FBN3: variants seen among roughly 807,000 people sequenced by gnomAD.
FBN3 encodes fibrillin-3.
FBN3 carries 234 observed loss-of-function variants against 330.1 expected under a neutral mutation model. The observed-to-expected ratio is 0.71, with a 90% confidence interval of 0.64 to 0.79. The LOEUF (loss-of-function observed/expected upper bound fraction) is 0.79. Among genes scored for constraint, FBN3 ranks in the 30% least tolerant of loss-of-function variants. The pLI is 0.00. For missense variants in FBN3, 3,606 were observed against 3,886.9 expected (o/e 0.93, Z 1.92); for synonymous variants, 1,458 against 1,517.3 (o/e 0.96, Z 0.91).
At chr19:8,119,059 G>T (rs375616426) in intron 25 of FBN3, 37 bp from the exon 26 acceptor site, 156 of 1,572,696 alleles carry the variant, frequency 9.9e-5, no homozygotes, top group Non-Finnish European at 1.2e-4. Flanking sequence ...CAGGCATGAA[G>T]GTGCTGATGC....
rs750199948 is a variant in FBN3 at position 8,138,179 on chromosome 19, C to T, written c.1163G>A (p.Arg388His). The T allele has an allele frequency of 6.2e-6, 10 of 1,612,660 alleles. No homozygotes were observed. Among genetic ancestry groups the T allele is most frequent in the South Asian group, 4.4e-5 (4 of 90,892 alleles). ...ARLNPHGSDA[R>H]GIPSLGPGNS... ...GCCAGGGCCCAGGCTGGGGATCCCA[C>T]GCGCATCAGAGCCATGGGGGTTGAG... The change falls in exon 10 of 64, where the codon CGT (arginine) becomes CAT (histidine). Residue 388 changes from arginine to histidine, a missense_variant. By Grantham distance (29) the Arg-to-His change is conservative. Transcript: ENST00000600128.
rs886654041 is a variant in FBN3 at position 8,129,698 on chromosome 19, G to T, written c.2045-333C>A. Among the ~76,000 whole-genome samples the T allele has an allele frequency of 6.6e-6, 1 of 152,042 alleles. No homozygotes were observed. ...GTCAAATGACCTCGGTGGGGCAGGG[G>T]CCAAATTATCTCCAGTTTGGAAATA... On this transcript the variant is annotated intron_variant, in intron 16 of 63. Coordinates refer to ENST00000600128, the MANE Select transcript of FBN3 (RefSeq NM_032447.5). The surrounding 1 kb of genome is among the most constrained non-coding windows in gnomAD (Gnocchi z 4.5).
intron 48 of FBN3, 62 bp from the exon 49 acceptor site, chr19:8,090,313 T>C: frequency 1.3e-6 from 2 of 1,588,956 alleles, no homozygotes; most frequent in Non-Finnish European, 1.7e-6. Context: ...CCTGCCCCTG[T>C]GACCTCCCGC....
In FBN3 at chr19:8,139,893, G is replaced by A. The variant is rs376869359; in HGVS notation, c.866-1329C>T. ...CTGAGAGCCACCCCTGACCTGCCCC[G>A]AGCTGGGAAAACATGCAAATGTTTC... On this transcript the variant is annotated intron_variant, in intron 8 of 63. Coordinates refer to ENST00000600128, the MANE Select transcript of FBN3 (RefSeq NM_032447.5). Among the ~76,000 whole-genome samples the A allele has an allele frequency of 1.1e-3, 167 of 151,890 alleles. 1 individual carries two copies. The highest frequency in any genetic ancestry group is 9.6e-3 in the South Asian group (46 of 4,810).
In FBN3 at chr19:8,129,230, G is replaced by A; in HGVS notation, c.2170+10C>T. ...TGCCCACACATCCGCCCGCCAGGTG[G>A]CATGCTCACCTGTGCAGTCCTTGCC... is the stretch of plus-strand genomic sequence containing the variant. On this transcript the variant is annotated intron_variant, in intron 17 of 63. Transcript: ENST00000600128. The surrounding 1 kb of genome is among the most constrained non-coding windows in gnomAD (Gnocchi z 4.5). The A allele has an allele frequency of 6.2e-7, 1 of 1,613,670 alleles. No homozygotes were observed. The highest frequency in any genetic ancestry group is 2.2e-5 in the East Asian group (1 of 44,886).
Position 8,097,407 on chromosome 19 carries a change from A to G in FBN3, c.5169T>C (p.Asp1723=), listed in dbSNP as rs139398791. 44 of 1,591,114 alleles carry G rather than the reference A, an allele frequency of 2.8e-5. No individual in the cohort carries two copies. The African/African-American group carries it at 5.6e-4, about 20-fold the overall frequency. ...AGATGGCGGGGATCTCCCCACACTC[A>G]TCAATGTCTGCAGAAGGCATCTGCC... ...DIHTGKPLDI[D]ECGEIPAICA... Residue 1723 remains aspartate (D), a synonymous_variant, in exon 42 of 64, where the codon GAT becomes GAC. Transcript: ENST00000600128.
intron 13 of FBN3, 25 bp downstream of exon 13, chr19:8,135,936 G>GGGGGGGGGGGGGGGGGGGCGGCCC: frequency 1.5e-6 from 1 of 668,778 alleles, no homozygotes; most frequent in Non-Finnish European, 2.4e-6. Flanking sequence ...GGAAGCCCCT[G>GGGGGGGGGGGGGGGGGGGCGGCCC]CCCACCCGCC....
At position 8,066,237 on chromosome 19, in the gene FBN3, G is replaced by T; in HGVS notation, c.8112C>A (p.Ser2704=). The T allele has an allele frequency of 6.3e-7, 1 of 1,575,582 alleles. No homozygotes were observed. The highest frequency in any genetic ancestry group is 8.6e-7 in the Non-Finnish European group (1 of 1,157,998). Residue 2704 remains serine (S), a synonymous_variant, in exon 64 of 64, where the codon TCC becomes TCA. Transcript: ENST00000600128. ...DHQVNLATLD[S]EALLTLGLNL... ...TCAGGCCCAAGGTCAGCAGGGCCTC[G>T]GAGTCAAGGGTGGCCAGGTTCACCT...
chr19:8,090,262 G>C lies in FBN3; in HGVS notation c.6032-11C>G. On this transcript the variant is annotated splice_polypyrimidine_tract_variant and intron_variant, in intron 48 of 63. Transcript: ENST00000600128. The stretch of plus-strand genomic sequence containing the variant: ...AACTCTGCCGTGTGTCTGTGGGGTG[G>C]GGGCTCCATTACCCTGATTGAAAGC... The C allele has an allele frequency of 6.2e-7, 1 of 1,613,624 alleles. No individual in the cohort carries two copies. The highest frequency in any genetic ancestry group is 8.5e-7 in the Non-Finnish European group (1 of 1,179,894).
chr19:8,146,001 A>G, intron 4 of FBN3, 63 bp from the exon 5 acceptor site: 1 of 1,503,076 alleles, frequency 6.7e-7, no homozygotes. Flanking sequence ...CCCTCCTAGG[A>G]AGGCTGCAGG....
At chr19:8,080,977 C>CCCCA in intron 59 of FBN3, 26 bp downstream of exon 59, 1 of 1,510,388 alleles carries the variant, frequency 6.6e-7, no homozygotes, top group Non-Finnish European at 9.2e-7. Flanking sequence ...TGGGTCACCT[C>CCCCA]CCGGTGAGGG....
intron 59 of FBN3, among the ~76,000 whole-genome samples, chr19:8,077,530 T>C (rs2081668579): frequency 6.6e-6 from 1 of 152,184 alleles, no homozygotes; most frequent in East Asian, 1.9e-4. Context: ...TCCCAGCTAC[T>C]TGGGAGGCTG....
At chr19:8,105,084 A>G (rs1189151266) in intron 38 of FBN3, among the ~76,000 whole-genome samples, 2 of 151,734 alleles carry the variant, frequency 1.3e-5, no homozygotes, top group African/African-American at 4.8e-5. Context: ...CCTCCCGAGT[A>G]GCTGGGACTA....
chr19:8,106,190 A>AC lies in FBN3; in HGVS notation c.4730dup (p.Asp1578Ter). ...AACTGCCAAACGTGTTGACGCAGTC[A>AC]CCCCCCTGACACAGCCCTGGCAGCT... is the stretch of plus-strand genomic sequence containing the variant. On this transcript the variant is annotated frameshift_variant, in exon 38 of 64. Coordinates refer to ENST00000600128, the MANE Select transcript of FBN3 (RefSeq NM_032447.5). LOFTEE classifies it high-confidence loss of function. The AC allele has an allele frequency of 6.2e-7, 1 of 1,613,780 alleles. No homozygotes were observed. The highest frequency in any genetic ancestry group is 8.5e-7 in the Non-Finnish European group (1 of 1,179,910).
rs562044745 is a variant in FBN3, at chr19:8,110,813, C to T, written c.4333+32G>A. The stretch of plus-strand genomic sequence containing the variant: ...TCCCCTGCCCCAACTCCTGCTCTCT[C>T]CTCTCCCCTTCCAGCCCAGATGACC... On this transcript the variant is annotated intron_variant, in intron 34 of 63. Transcript: ENST00000600128. 2.5e-6 allele frequency: 4 copies of T among 1,613,998 alleles called. No individual in the cohort carries two copies. The African/African-American group carries it at 4.0e-5, about 16-fold the overall frequency.
intron 6 of FBN3, among the ~76,000 whole-genome samples, chr19:8,144,053 T>C (rs1363102003): frequency 6.6e-6 from 1 of 151,986 alleles, no homozygotes; most frequent in Non-Finnish European, 1.5e-5. Flanking sequence ...ATCCACCCTC[T>C]TAATTTTGGT....
rs1008648034 is a variant in FBN3 at position 8,106,329 on chromosome 19, C to T, written c.4688-96G>A. 51 of 1,325,288 alleles carry T rather than the reference C, an allele frequency of 3.8e-5. No individual in the cohort carries two copies. In the East Asian group the frequency reaches 9.1e-4, roughly 24 times the overall value. 82.1% of individuals were successfully genotyped at this position (1,325,288 alleles called of 1,614,324 possible). A position where few individuals can be genotyped will look rare whatever the true frequency, so the allele number is the denominator to read the frequency against. On this transcript the variant is annotated intron_variant, in intron 37 of 63. Coordinates refer to ENST00000600128, the MANE Select transcript of FBN3 (RefSeq NM_032447.5). Reference sequence around the variant, plus strand: ...TGCTCTGGGTTCTCCAGGGCCCTCTCGAGGATCCCCAAGTGCTGTCCATGA... The same window carrying T: ...TGCTCTGGGTTCTCCAGGGCCCTCTTGAGGATCCCCAAGTGCTGTCCATGA...
At chr19:8,126,935 G>C (rs1015845679) in intron 18 of FBN3, 103 bp from the exon 19 acceptor site, 24 of 1,368,368 alleles carry the variant, frequency 1.8e-5, no homozygotes, top group Non-Finnish European at 2.3e-5. Flanking sequence ...GTGGCACGGG[G>C]TGCACCCAGA....
Position 8,081,120 on chromosome 19 carries a change from C to A in FBN3, c.7337-1G>T. On this transcript the variant is annotated splice_acceptor_variant, in intron 58 of 63. Transcript: ENST00000600128. LOFTEE classifies it high-confidence loss of function. ...TGCCGGGAGGTGCATTCGTCCAGGT[C>A]TGCAGCACGGATGGTCCAGCAGGCT... 1 of 1,612,480 alleles carries A rather than the reference C, an allele frequency of 6.2e-7. No individual in the cohort carries two copies. Among genetic ancestry groups the A allele is most frequent in the South Asian group, 1.1e-5 (1 of 91,028 alleles).
Sources: allele counts gnomAD v4.1 joint callset (sites outside exome capture counted in the v4.1 genomes callset), GRCh38; gene constraint gnomAD v4.1.1; non-coding constraint Gnocchi (gnomAD v3.1); transcripts MANE v1.5; gene names NCBI Gene and HGNC (gene_info 2026-07-23, HGNC 2026-07-21).